IGF2R: variants seen among roughly 807,000 people sequenced by gnomAD.
IGF2R encodes the protein insulin like growth factor 2 receptor.
A neutral mutation model predicts 270.6 loss-of-function variants in IGF2R; 91 were observed. That is an observed-to-expected ratio of 0.34 (90% CI 0.28 to 0.40). The LOEUF is 0.40. Ranked by LOEUF, IGF2R falls within the 10% of genes least tolerant of loss-of-function variation. IGF2R has a pLI of 1.00. For missense variants in IGF2R, 2,805 were observed against 3,188.3 expected, an observed-to-expected ratio of 0.88 and a Z score of 2.90; for synonymous variants, 1,316 against 1,258.9, an observed-to-expected ratio of 1.05 and a Z score of -0.96.
Position 160,084,051 on chromosome 6 carries a change from T to C in IGF2R, c.5935T>C (p.Phe1979Leu), listed in dbSNP as rs749029256. The C allele has an allele frequency of 3.7e-6, 6 of 1,614,094 alleles. No individual in the cohort carries two copies. The highest frequency in any genetic ancestry group is 2.5e-6 in the Non-Finnish European group (3 of 1,179,982). The stretch of plus-strand genomic sequence containing the variant: ...TGAAGTGCGTGGGTGTGATGTGACA[T>C]TTGAGTGGAAAACAAAAGTTGTCTG... ...FSEVRGCDVT[F>L]EWKTKVVCPP... Residue 1979 changes from phenylalanine to leucine, a missense_variant, in exon 40 of 48, where the codon TTT (phenylalanine) becomes CTT (leucine). Physicochemically the swap from Phe to Leu is conservative, Grantham distance 22. This residue lies in a region of IGF2R where 1,851 missense variants were observed against 2,207.2 expected (regional missense o/e 0.84). Transcript: ENST00000356956. The surrounding 1 kb of genome is among the most constrained non-coding windows in gnomAD (Gnocchi z 4.6).
At chr6:160,033,173 G>T in intron 9 of IGF2R, 66 bp downstream of exon 9, 1 of 1,210,932 alleles carries the variant, frequency 8.3e-7, no homozygotes, top group East Asian at 2.4e-5. Context: ...GTTGCACTCT[G>T]GCGCCCAGGC....
Position 160,047,311 on chromosome 6 carries a change from C to T in IGF2R, c.2204C>T (p.Ala735Val), listed in dbSNP as rs766058744. Residue 735 changes from alanine to valine, a missense_variant, in exon 16 of 48, where the codon GCG becomes GTG. By Grantham distance (64) the Ala-to-Val change is moderately conservative. Transcript: ENST00000356956. Reference protein sequence around the residue: ...TLITFLCDRDAGVGFPEYQEE... With the variant: ...TLITFLCDRDVGVGFPEYQEE... ...ATCACCTTTCTCTGTGATCGAGACG[C>T]GGGAGTGGGCTTCCCTGAATATCAG... is the stretch of plus-strand genomic sequence containing the variant. 3.2e-5 allele frequency: 52 copies of T among 1,601,112 alleles called. No homozygotes were observed. The highest frequency in any genetic ancestry group is 1.2e-4 in the Admixed American group (7 of 58,558).
chr6:160,103,502 A>C (rs1198471723), intron 46 of IGF2R, among the ~76,000 whole-genome samples: 1 of 152,116 alleles, frequency 6.6e-6, no homozygotes, highest in East Asian at 1.9e-4. Context: ...CCCTAATGTT[A>C]AGTTGCTCTA....
chr6:160,095,079 G>T (rs567368125), intron 44 of IGF2R: 1 of 152,104 alleles, frequency 6.6e-6, no homozygotes, highest in Non-Finnish European at 1.5e-5. Flanking sequence ...AGTCTTTTAG[G>T]TTGCTTGCCC....
Position 160,110,689 on chromosome 6 carries a change from G to A in IGF2R, c.*5605G>A, listed in dbSNP as rs1404713288. 1 of 152,150 alleles carries A rather than the reference G, an allele frequency of 6.6e-6. No individual in the cohort carries two copies. The highest frequency in any genetic ancestry group is 1.5e-5 in the Non-Finnish European group (1 of 68,038). The allele number at this position is 152,150 out of a possible 1,614,324, so 9.4% of individuals were successfully genotyped here. A position where few individuals can be genotyped will look rare whatever the true frequency, so the allele number is the denominator to read the frequency against. On this transcript the variant is annotated 3_prime_UTR_variant, in exon 48 of 48. Coordinates refer to ENST00000356956, the MANE Select transcript of IGF2R (RefSeq NM_000876.4). ...CAGTGTCTACTGACAAATAAAGATG[G>A]ATCAAGAAAATGCATGTATGTATAC...
intron 3 of IGF2R, among the ~76,000 whole-genome samples, chr6:160,009,452 A>G (rs1466176818): frequency 6.6e-6 from 1 of 152,184 alleles, no homozygotes; most frequent in Non-Finnish European, 1.5e-5. Context: ...CTCTTCTTCT[A>G]GCATTTCATT....
At chr6:159,991,050 A>T in intron 1 of IGF2R, 134 bp from the exon 2 acceptor site, 1 of 766,610 alleles carries the variant, frequency 1.3e-6, no homozygotes, top group Non-Finnish European at 2.1e-6. Context: ...TTGACTTTTT[A>T]GTGTTTTTGG....
chr6:160,087,952 C>T (rs1583300866), intron 41 of IGF2R, 81 bp from the exon 42 acceptor site: 1 of 826,096 alleles, frequency 1.2e-6, no homozygotes, highest in East Asian at 2.5e-5. Context: ...TTGGAATTGA[C>T]AGGTGTGAGC....
chr6:160,013,035 G>C (rs1240601047), intron 4 of IGF2R, among the ~76,000 whole-genome samples: 1 of 151,822 alleles, frequency 6.6e-6, no homozygotes, highest in Non-Finnish European at 1.5e-5. Context: ...TTAGACCCCA[G>C]ACCTCTCAGT....
chr6:159,992,245 T>A (rs1182818728), intron 2 of IGF2R, among the ~76,000 whole-genome samples: 1 of 152,198 alleles, frequency 6.6e-6, no homozygotes. Context: ...AATATTTTTA[T>A]AGATTTGGCA....
At position 160,047,309 on chromosome 6, in the gene IGF2R, C is replaced by A; in HGVS notation, c.2202C>A (p.Asp734Glu). ...ATLITFLCDR[D>E]AGVGFPEYQE... The stretch of plus-strand genomic sequence containing the variant: ...TCATCACCTTTCTCTGTGATCGAGA[C>A]GCGGGAGTGGGCTTCCCTGAATATC... The change falls in exon 16 of 48, where the codon GAC becomes GAA. Residue 734 changes from aspartate (D) to glutamate (E), a missense_variant. Transcript: ENST00000356956. 1 of 1,603,850 alleles carries A rather than the reference C, an allele frequency of 6.2e-7. No individual in the cohort carries two copies. Among genetic ancestry groups the A allele is most frequent in the Non-Finnish European group, 8.5e-7 (1 of 1,175,992 alleles).
Position 159,969,208 on chromosome 6 carries a change from G to GC in IGF2R, c.-39_-38insC. The GC allele has an allele frequency of 1.0e-6, 1 of 983,136 alleles. No individual in the cohort carries two copies. Among genetic ancestry groups the GC allele is most frequent in the South Asian group, 4.6e-5 (1 of 21,860 alleles). The allele number at this position is 983,136 out of a possible 1,614,324, so 60.9% of individuals were successfully genotyped here. A position where few individuals can be genotyped will look rare whatever the true frequency, so the allele number is the denominator to read the frequency against. On this transcript the variant is annotated 5_prime_UTR_variant, in exon 1 of 48. Coordinates refer to ENST00000356956, the MANE Select transcript of IGF2R (RefSeq NM_000876.4). ...GCGCGGCCCCCAGCAGTCGCGCGCC[G>GC]TTAGCCTCGCGCCCGCCGCGCAGTC...
chr6:160,079,691 G>A lies in IGF2R; in HGVS notation c.5590G>A (p.Ala1864Thr), dbSNP rs201170949. Residue 1864 changes from alanine (A) to threonine (T), a missense_variant, in exon 38 of 48, where the codon GCA (alanine) becomes ACA (threonine). Physicochemically the swap from Ala to Thr is moderately conservative, Grantham distance 58. This residue lies in a region of IGF2R where 1,851 missense variants were observed against 2,207.2 expected (regional missense o/e 0.84). Coordinates refer to ENST00000356956, the MANE Select transcript of IGF2R (RefSeq NM_000876.4). ...CTGTCTGCTCTCAGGCACCAAGGGG[G>A]CATCCTTTGGACGGCTGCAATCAAT... Reference protein sequence around the residue: ...GVCLLSGTKGASFGRLQSMKL... With the variant: ...GVCLLSGTKGTSFGRLQSMKL... 1.9e-6 allele frequency: 3 copies of A among 1,542,598 alleles called. No individual in the cohort carries two copies. Among genetic ancestry groups the A allele is most frequent in the Middle Eastern group, 1.7e-4 (1 of 5,818 alleles).
chr6:160,061,023 T>G (rs1196838603), intron 23 of IGF2R, among the ~76,000 whole-genome samples: 3 of 152,028 alleles, frequency 2.0e-5, no homozygotes, highest in Non-Finnish European at 2.9e-5. Flanking sequence ...TGTCAGAGCT[T>G]CTTATTTGAG....
Position 160,075,931 on chromosome 6 carries a change from T to G in IGF2R, c.5251T>G (p.Leu1751Val). ...YLNFESSTPC[L>V]ADKHFNYTSL... ...GAATTTTGAAAGCAGTACTCCTTGC[T>G]TAGCGGACAAGCATTTCAACTACAC... The change falls in exon 36 of 48, where the codon TTA becomes GTA. Residue 1751 changes from leucine to valine, a missense_variant. This residue lies in a region of IGF2R where 1,851 missense variants were observed against 2,207.2 expected (regional missense o/e 0.84). Transcript: ENST00000356956. The G allele has an allele frequency of 6.2e-7, 1 of 1,614,214 alleles. No homozygotes were observed. The highest frequency in any genetic ancestry group is 1.7e-5 in the Admixed American group (1 of 60,030).
rs2115251288 is a variant in IGF2R, at chr6:160,050,386, T to C, written c.2515-87T>C. 1 of 1,297,190 alleles carries C rather than the reference T, an allele frequency of 7.7e-7. No homozygotes were observed. Among genetic ancestry groups the C allele is most frequent in the Non-Finnish European group, 1.1e-6 (1 of 927,346 alleles). 80.4% of individuals were successfully genotyped at this position (1,297,190 alleles called of 1,614,324 possible). ...CTGTATTCAATAATTCATTGTTTGC[T>C]GCAGCTTTATAGAATGTAACCACCA... On this transcript the variant is annotated intron_variant, in intron 18 of 47. Transcript: ENST00000356956. The surrounding 1 kb of genome is among the most constrained non-coding windows in gnomAD (Gnocchi z 4.0).
intron 4 of IGF2R, among the ~76,000 whole-genome samples, chr6:160,017,766 A>G (rs1426027341): frequency 6.6e-6 from 1 of 152,208 alleles, no homozygotes; most frequent in Non-Finnish European, 1.5e-5. Context: ...AATAAGTTTC[A>G]TGTATGAAGG....
chr6:160,000,191 A>G (rs1370402695), intron 2 of IGF2R, among the ~76,000 whole-genome samples: 1 of 152,226 alleles, frequency 6.6e-6, no homozygotes, highest in Non-Finnish European at 1.5e-5. Context: ...GTAAAGAACT[A>G]CCTGATACTT....
In IGF2R at chr6:160,063,449, C is replaced by A; in HGVS notation, c.3705C>A (p.Gly1235=). ...DNCEVKDPRH[G]NLYDLKPLGL... is the part of the protein sequence containing the mutation. ...GTGAGGTGAAAGACCCAAGGCATGG[C>A]AACTTGTATGACCTGAAGCCCCTGG... Residue 1235 remains glycine, a synonymous_variant, in exon 27 of 48, where the codon GGC becomes GGA. Transcript: ENST00000356956. The A allele has an allele frequency of 6.2e-7, 1 of 1,612,774 alleles. No homozygotes were observed. The highest frequency in any genetic ancestry group is 8.5e-7 in the Non-Finnish European group (1 of 1,180,004).
Sources: allele counts gnomAD v4.1 joint callset (sites outside exome capture counted in the v4.1 genomes callset), GRCh38; gene constraint gnomAD v4.1.1; regional missense constraint gnomAD v4.1.1; non-coding constraint Gnocchi (gnomAD v3.1); transcripts MANE v1.5; gene names NCBI Gene and HGNC (gene_info 2026-07-23, HGNC 2026-07-21).